BPIFB1: variants seen among roughly 807,000 people sequenced by gnomAD.
The protein encoded by BPIFB1 is BPI fold containing family B member 1.
Under a neutral mutation model 55.1 loss-of-function variants are expected in BPIFB1, and 34 were observed. That is an observed-to-expected ratio of 0.62 (90% CI 0.47 to 0.82). The LOEUF (loss-of-function observed/expected upper bound fraction) is 0.82, where lower values mean the gene tolerates loss of function less well. Among genes scored for constraint, BPIFB1 ranks in the 40% least tolerant of loss-of-function variants. BPIFB1 has a pLI of 0.00. For synonymous variants in BPIFB1, 236 were observed against 245.3 expected (o/e 0.96, Z 0.35); for missense variants, 532 against 593.1 (o/e 0.90, Z 1.07).
chr20:33,291,148 G>A (rs1450657857), intron 5 of BPIFB1, 42 bp downstream of exon 5: 1 of 1,600,530 alleles, frequency 6.2e-7, no homozygotes, highest in Non-Finnish European at 8.5e-7. Flanking sequence ...ATCCTGCCTG[G>A]AAGGAACGCC....
intron 1 of BPIFB1, among the ~76,000 whole-genome samples, chr20:33,284,606 A>G (rs1222693970): frequency 6.6e-6 from 1 of 152,186 alleles, no homozygotes; most frequent in Non-Finnish European, 1.5e-5. Context: ...CGGATGCCAC[A>G]TTTGTCTTTG....
intron 6 of BPIFB1, among the ~76,000 whole-genome samples, chr20:33,296,263 A>C (rs6141382): frequency 0.25 from 37,569 of 152,082 alleles, 4,824 homozygotes; most frequent in Admixed American, 0.34. Context: ...GGTGAGAAAC[A>C]GGCTCCCCTG....
chr20:33,302,625 A>G (rs1479129117), intron 10 of BPIFB1: 29 of 655,752 alleles, frequency 4.4e-5, no homozygotes, highest in Non-Finnish European at 7.6e-5. Context: ...CTGCAGTAAC[A>G]CAGGACAGGT....
At chr20:33,305,864 C>A in intron 13 of BPIFB1, 138 bp from the exon 14 acceptor site, 1 of 962,892 alleles carries the variant, frequency 1.0e-6, no homozygotes, top group African/African-American at 1.6e-5. Flanking sequence ...CCCCACAGCT[C>A]TGATCAGCAG....
chr20:33,306,498 G>T, intron 14 of BPIFB1: 1 of 315,542 alleles, frequency 3.2e-6, no homozygotes, highest in Non-Finnish European at 5.9e-6. Flanking sequence ...GAGGTGCCTG[G>T]CACAGTCAGT....
intron 9 of BPIFB1, among the ~76,000 whole-genome samples, chr20:33,301,949 G>A (rs549940300): frequency 6.6e-6 from 1 of 152,264 alleles, no homozygotes; most frequent in East Asian, 1.9e-4. Context: ...GGAAAGGGTT[G>A]GTCCAACGTT....
In BPIFB1 at chr20:33,306,722, G is replaced by T. The variant is rs1395122913; in HGVS notation, c.1319-189G>T. ...ATTTTGTGAGGGGCCAGAAGCCAGT[G>T]CCAGAGGCAAAGGGAGGGTAGACGA... On this transcript the variant is annotated intron_variant, in intron 14 of 15. Transcript: ENST00000253354. The T allele has an allele frequency of 5.0e-6, 3 of 604,652 alleles. No individual in the cohort carries two copies. The Admixed American group carries it at 8.5e-5, about 17-fold the overall frequency. 37.5% of individuals were successfully genotyped at this position (604,652 alleles called of 1,614,324 possible).
At chr20:33,303,190 CA>C in intron 11 of BPIFB1, 116 bp downstream of exon 11, 1 of 1,330,648 alleles carries the variant, frequency 7.5e-7, no homozygotes, top group Non-Finnish European at 1.0e-6. Context: ...TTAGCAGGGA[CA>C]GGGGACAGGG....
intron 5 of BPIFB1, 127 bp from the exon 6 acceptor site, chr20:33,291,780 T>C (rs1290069538): frequency 1.0e-5 from 8 of 796,992 alleles, no homozygotes; most frequent in Non-Finnish European, 1.7e-5. Flanking sequence ...GCCCCGTCTC[T>C]AACACGTCCT....
At chr20:33,307,333 T>C (rs1981065394) in intron 15 of BPIFB1, 1 of 228,066 alleles carries the variant, frequency 4.4e-6, no homozygotes, top group South Asian at 8.5e-5. Flanking sequence ...AACACTCCCA[T>C]CTTTTTCAAG....
At chr20:33,306,255 A>C (rs1042564084) in intron 14 of BPIFB1, among the ~76,000 whole-genome samples, 190 bp downstream of exon 14, 1 of 152,118 alleles carries the variant, frequency 6.6e-6, no homozygotes, top group Admixed American at 6.5e-5. Context: ...CTGGGCTCGT[A>C]AAGATGAACC....
At chr20:33,295,646 A>AAGAAAGAAAGAG (rs1415372376) in intron 6 of BPIFB1, among the ~76,000 whole-genome samples, 1 of 132,772 alleles carries the variant, frequency 7.5e-6, no homozygotes, top group African/African-American at 4.1e-5. Flanking sequence ...AAGAGAGAAG[A>AAGAAAGAAAGAG]AGAAAGAAAG....
intron 11 of BPIFB1, 112 bp downstream of exon 11, chr20:33,303,186 G>A (rs1254987836): frequency 4.3e-5 from 57 of 1,326,926 alleles, no homozygotes; most frequent in Non-Finnish European, 6.0e-5. Context: ...TCACTTAGCA[G>A]GGACAGGGGA....
chr20:33,299,138 A>G (rs1980758950), intron 7 of BPIFB1: 3 of 456,734 alleles, frequency 6.6e-6, no homozygotes, highest in Non-Finnish European at 1.3e-5. Context: ...AGACGCGAGA[A>G]GAGACCAGCC....
intron 4 of BPIFB1, 110 bp downstream of exon 4, chr20:33,290,102 G>A (rs900028450): frequency 4.3e-5 from 36 of 828,840 alleles, no homozygotes; most frequent in Admixed American, 3.1e-4. Context: ...CGAGCAGAGA[G>A]AAGAGCAAGT....
chr20:33,293,277 T>C (rs534329868), intron 6 of BPIFB1, among the ~76,000 whole-genome samples: 1 of 151,722 alleles, frequency 6.6e-6, no homozygotes, highest in South Asian at 2.1e-4. Flanking sequence ...GGAAAAAAAA[T>C]CCATAATCCT....
At chr20:33,290,639 G>T (rs896193218) in intron 4 of BPIFB1, among the ~76,000 whole-genome samples, 3 of 152,202 alleles carry the variant, frequency 2.0e-5, no homozygotes, top group East Asian at 3.9e-4. Flanking sequence ...ACCAAGACAG[G>T]CAAGGCCATG....
At chr20:33,289,381 C>CA (rs1217903188) in intron 3 of BPIFB1, among the ~76,000 whole-genome samples, 13,393 of 105,472 alleles carry the variant, frequency 0.13, 843 homozygotes, top group East Asian at 0.24. Flanking sequence ...GATTCTGTCT[C>CA]AAAAAAAAAA....
chr20:33,307,206 C>T, intron 15 of BPIFB1: 1 of 529,862 alleles, frequency 1.9e-6, no homozygotes. Context: ...TTTTCCACCC[C>T]CTTGTCATTC....
Sources: gnomAD v4.1 joint callset for allele counts (sites outside exome capture counted in the v4.1 genomes callset) on GRCh38, gnomAD v4.1.1 for gene constraint, MANE v1.5 for transcripts, NCBI Gene and HGNC (gene_info 2026-07-23, HGNC 2026-07-21) for gene names.